Variants in NEMP2 observed in about 807,000 individuals in gnomAD.
NEMP2 encodes UPF0571 transmembrane protein.
In NEMP2, 53 loss-of-function variants were observed where a neutral mutation model predicts 54.2. The ratio of observed to expected loss-of-function variants is 0.98; its 90% CI spans 0.78 to 1.23. The LOEUF (loss-of-function observed/expected upper bound fraction) is 1.23, where lower values mean the gene tolerates loss of function less well. NEMP2 is among the 50% of genes most tolerant of loss of function. The probability of loss-of-function intolerance (pLI) is 0.00; values close to 1 mark genes in which losing one functional copy is unlikely to be tolerated. For missense variants in NEMP2, 455 were observed against 511.3 expected (o/e 0.89, Z 1.06); for synonymous variants, 197 against 190.3 (o/e 1.04, Z -0.29).
the NEMP2 span, among the ~76,000 whole-genome samples, chr2:190,622,422 A>C: frequency 1.1e-5 from 1 of 89,254 alleles, no homozygotes; most frequent in Non-Finnish European, 2.6e-5. Flanking sequence ...GCAGTCTCTT[A>C]AAAAAAAAAA....
At chr2:190,638,936 A>T in the NEMP2 span, among the ~76,000 whole-genome samples, 1 of 152,216 alleles carries the variant, frequency 6.6e-6, no homozygotes, top group Non-Finnish European at 1.5e-5. The surrounding 1 kb of genome is among the most constrained non-coding windows in gnomAD (Gnocchi z 5.7). Context: ...ACAGGGCATC[A>T]GATGTGGCCC....
At chr2:190,611,916 C>G in the NEMP2 span, among the ~76,000 whole-genome samples, 2 of 152,082 alleles carry the variant, frequency 1.3e-5, no homozygotes, top group Non-Finnish European at 2.9e-5. The surrounding 1 kb of genome is among the most constrained non-coding windows in gnomAD (Gnocchi z 5.4). Context: ...AGATAAGGTC[C>G]GACTTATTCC....
the NEMP2 span, among the ~76,000 whole-genome samples, chr2:190,460,340 T>G: frequency 6.6e-6 from 1 of 152,220 alleles, no homozygotes; most frequent in Non-Finnish European, 1.5e-5. Flanking sequence ...TTAAGTCCAT[T>G]CATTCTTTCA....
At chr2:190,627,467 A>G in the NEMP2 span, among the ~76,000 whole-genome samples, 2 of 152,234 alleles carry the variant, frequency 1.3e-5, no homozygotes, top group Non-Finnish European at 2.9e-5. The surrounding 1 kb of genome is among the most constrained non-coding windows in gnomAD (Gnocchi z 4.4). Flanking sequence ...ATAAGTGTTC[A>G]AATGTTTCTT....
Position 190,516,397 on chromosome 2 carries a change from G to A in NEMP2, c.613-13C>T, listed in dbSNP as rs1376914973. 2 of 1,518,274 alleles carry A rather than the reference G, an allele frequency of 1.3e-6. No homozygotes were observed. Among genetic ancestry groups the A allele is most frequent in the Non-Finnish European group, 8.8e-7 (1 of 1,130,728 alleles). The allele number at this position is 1,518,274 out of a possible 1,614,324, so 94.1% of individuals were successfully genotyped here. On this transcript the variant is annotated splice_polypyrimidine_tract_variant and intron_variant, in intron 5 of 8. Coordinates refer to ENST00000409150, the MANE Select transcript of NEMP2 (RefSeq NM_001142645.2). ...AAAAGGTGCTATACTGTGTGTGGAAGAAAATAAATGACACATTTTTTGGTT... is the reference window on the plus strand; with the variant it reads ...AAAAGGTGCTATACTGTGTGTGGAAAAAAATAAATGACACATTTTTTGGTT...
the NEMP2 span, among the ~76,000 whole-genome samples, chr2:190,426,375 T>C: frequency 6.6e-6 from 1 of 152,254 alleles, no homozygotes; most frequent in Non-Finnish European, 1.5e-5. This position sits in a 1 kb window ranked among gnomAD's most constrained non-coding sequence, Gnocchi z 4.7. Flanking sequence ...TTTCCAGTTA[T>C]AAGTTTTCCA....
the NEMP2 span, among the ~76,000 whole-genome samples, chr2:190,471,125 C>T: frequency 6.6e-6 from 1 of 152,056 alleles, no homozygotes; most frequent in African/African-American, 2.4e-5. This position sits in a 1 kb window ranked among gnomAD's most constrained non-coding sequence, Gnocchi z 4.7. Flanking sequence ...CCAAGATGGC[C>T]GAATAGGAAC....
the NEMP2 span, among the ~76,000 whole-genome samples, chr2:190,446,641 T>G: frequency 7.8e-4 from 118 of 152,226 alleles, no homozygotes; most frequent in Non-Finnish European, 1.4e-3. Context: ...AAGAAGCTAA[T>G]GAAACATGGA....
At chr2:190,503,290 AC>A (rs1430473731), downstream of NEMP2, among the ~76,000 whole-genome samples, 1 of 152,240 alleles carries the variant, frequency 6.6e-6, no homozygotes, top group Non-Finnish European at 1.5e-5. This position sits in a 1 kb window ranked among gnomAD's most constrained non-coding sequence, Gnocchi z 6.3. Flanking sequence ...GAAAGCAGAC[AC>A]ACCCACAGCT....
At chr2:190,568,682 C>T in the NEMP2 span, among the ~76,000 whole-genome samples, 36 of 152,078 alleles carry the variant, frequency 2.4e-4, 2 homozygotes, top group South Asian at 6.2e-3. The surrounding 1 kb of genome is among the most constrained non-coding windows in gnomAD (Gnocchi z 4.7). Flanking sequence ...ATTAGCTGGG[C>T]GTGGTGGCGC....
At chr2:190,492,892 CAA>C in the NEMP2 span, among the ~76,000 whole-genome samples, 1 of 151,840 alleles carries the variant, frequency 6.6e-6, no homozygotes, top group Admixed American at 6.6e-5. This position sits in a 1 kb window ranked among gnomAD's most constrained non-coding sequence, Gnocchi z 5.2. Context: ...AATCTTGAAA[CAA>C]ATCCTGGAAA....
the NEMP2 span, among the ~76,000 whole-genome samples, chr2:190,482,552 C>T: frequency 6.6e-6 from 1 of 152,092 alleles, no homozygotes; most frequent in East Asian, 1.9e-4. Context: ...GGAAGAAAAA[C>T]AAAACAATCC....
chr2:190,548,499 T>C, the NEMP2 span, among the ~76,000 whole-genome samples: 1 of 152,252 alleles, frequency 6.6e-6, no homozygotes, highest in Non-Finnish European at 1.5e-5. Context: ...TAGAGGTTAC[T>C]CCTTCCCCTC....
At chr2:190,537,816 T>C (rs115463266), upstream of NEMP2, among the ~76,000 whole-genome samples, 3 of 152,166 alleles carry the variant, frequency 2.0e-5, no homozygotes, top group East Asian at 5.8e-4. Context: ...AACAAAACTA[T>C]GGGGAAAATG....
At chr2:190,577,277 T>C in the NEMP2 span, among the ~76,000 whole-genome samples, 1 of 152,334 alleles carries the variant, frequency 6.6e-6, no homozygotes, top group African/African-American at 2.4e-5. The surrounding 1 kb of genome is among the most constrained non-coding windows in gnomAD (Gnocchi z 4.8). Context: ...AATAATCAAA[T>C]CTGTTTCTGG....
chr2:190,510,944 T>C lies in NEMP2; in HGVS notation c.954-407A>G, dbSNP rs558696090. 1.5e-4 allele frequency among the ~76,000 whole-genome samples: 23 copies of C among 152,176 alleles called. No homozygotes were observed. Among genetic ancestry groups the C allele is most frequent in the Non-Finnish European group, 2.5e-4 (17 of 68,026 alleles). ...AGATGGTAACAGTAATAATACTTCT[T>C]AACTTCCTCTATATCATATCTATAC... On this transcript the variant is annotated intron_variant, in intron 7 of 8. Coordinates refer to ENST00000409150, the MANE Select transcript of NEMP2 (RefSeq NM_001142645.2). The surrounding 1 kb of genome is among the most constrained non-coding windows in gnomAD (Gnocchi z 5.7).
At chr2:190,588,490 C>G in the NEMP2 span, among the ~76,000 whole-genome samples, 1 of 152,048 alleles carries the variant, frequency 6.6e-6, no homozygotes, top group South Asian at 2.1e-4. This position sits in a 1 kb window ranked among gnomAD's most constrained non-coding sequence, Gnocchi z 5.0. Context: ...GAGAGAGAAT[C>G]AAACTTTTAT....
chr2:190,647,839 C>A, the NEMP2 span, among the ~76,000 whole-genome samples: 1 of 151,800 alleles, frequency 6.6e-6, no homozygotes, highest in Non-Finnish European at 1.5e-5. Flanking sequence ...CTCAGCCTCC[C>A]AAGCAGCTGG....
Position 190,534,695 on chromosome 2 carries a change from G to T in NEMP2, c.-40C>A. 3.2e-6 allele frequency: 4 copies of T among 1,237,420 alleles called. No homozygotes were observed. Among genetic ancestry groups the T allele is most frequent in the African/African-American group, 1.6e-5 (1 of 64,222 alleles). 76.7% of individuals were successfully genotyped at this position (1,237,420 alleles called of 1,614,324 possible). A position where few individuals can be genotyped will look rare whatever the true frequency, so the allele number is the denominator to read the frequency against. On this transcript the variant is annotated 5_prime_UTR_variant, in exon 1 of 9. Transcript: ENST00000409150. Reference sequence around the variant, plus strand: ...GCTCCGTGCGACCCGAGCCCTAGGGGACCGGCTCCGCTGCGAGGAGCGGAA... The same window carrying T: ...GCTCCGTGCGACCCGAGCCCTAGGGTACCGGCTCCGCTGCGAGGAGCGGAA...
Sources: allele counts gnomAD v4.1 joint callset (sites outside exome capture counted in the v4.1 genomes callset), GRCh38; gene constraint gnomAD v4.1.1; non-coding constraint Gnocchi (gnomAD v3.1); transcripts MANE v1.5; gene names NCBI Gene and HGNC (gene_info 2026-07-23, HGNC 2026-07-21).